The following MYO10 variants were observed in gnomAD, a reference collection of about 807,000 sequenced individuals.
MYO10 encodes the protein unconventional myosin-X.
A neutral mutation model predicts 257.3 loss-of-function variants in MYO10; 133 were observed. That is an observed-to-expected ratio of 0.52 (90% CI 0.45 to 0.60). MYO10 has a LOEUF of 0.60. Ranked by LOEUF, MYO10 falls within the 20% of genes least tolerant of loss-of-function variation. The probability of loss-of-function intolerance (pLI) is 0.00; values close to 1 mark genes in which losing one functional copy is unlikely to be tolerated. For synonymous variants in MYO10, 1,104 were observed against 1,028.6 expected (o/e 1.07, Z -1.40); for missense variants, 2,399 against 2,635.7 (o/e 0.91, Z 1.97).
intron 2 of MYO10, among the ~76,000 whole-genome samples, chr5:16,826,762 G>A (rs983426286): frequency 4.6e-5 from 7 of 152,226 alleles, no homozygotes; most frequent in African/African-American, 1.7e-4. Flanking sequence ...GTTGTTTCTG[G>A]GGATGTCGCT....
chr5:16,747,903 A>G (rs911978708), intron 19 of MYO10, among the ~76,000 whole-genome samples: 1 of 130,588 alleles, frequency 7.7e-6, no homozygotes, highest in Non-Finnish European at 1.6e-5. Flanking sequence ...TGGGCGACAG[A>G]GCGAAACTCC....
intron 9 of MYO10, among the ~76,000 whole-genome samples, chr5:16,772,110 T>C (rs549719714): frequency 2.0e-5 from 3 of 152,052 alleles, no homozygotes; most frequent in Non-Finnish European, 4.4e-5. Flanking sequence ...AAGTCAAATA[T>C]AGTAAGTTAT....
At chr5:16,882,125 G>C (rs933579738) in intron 1 of MYO10, among the ~76,000 whole-genome samples, 4 of 152,076 alleles carry the variant, frequency 2.6e-5, no homozygotes, top group African/African-American at 9.7e-5. Flanking sequence ...GCAATATAAA[G>C]CACTTATGCA....
chr5:16,779,730 T>G, intron 8 of MYO10, 82 bp from the exon 9 acceptor site: 1 of 768,556 alleles, frequency 1.3e-6, no homozygotes. Context: ...TTTTAAAGTA[T>G]ATATATATAA....
At chr5:16,933,126 C>T (rs1347442267) in intron 1 of MYO10, among the ~76,000 whole-genome samples, 2 of 152,200 alleles carry the variant, frequency 1.3e-5, no homozygotes, top group East Asian at 1.9e-4. Context: ...ATTAATACCG[C>T]CAAACAACTG....
At chr5:16,762,143 A>AAATATATAT in intron 15 of MYO10, 30 bp from the exon 16 acceptor site, 1 of 1,091,650 alleles carries the variant, frequency 9.2e-7, no homozygotes. Context: ...AAAAAAAAAA[A>AAATATATAT]ATACAATGCC....
intron 2 of MYO10, among the ~76,000 whole-genome samples, chr5:16,875,539 C>T (rs1288528423): frequency 1.3e-5 from 2 of 152,192 alleles, no homozygotes; most frequent in African/African-American, 4.8e-5. Context: ...ATTAGACATG[C>T]TGTCTCTTTG....
chr5:16,692,709 G>A (rs1010371086), intron 27 of MYO10, among the ~76,000 whole-genome samples: 1 of 152,096 alleles, frequency 6.6e-6, no homozygotes, highest in African/African-American at 2.4e-5. Context: ...TAAGTCCGTG[G>A]TTTATTATAT....
At position 16,898,884 on chromosome 5, in the gene MYO10, G is replaced by A. The variant is rs567818574; in HGVS notation, c.22-21177C>T. On this transcript the variant is annotated intron_variant, in intron 1 of 40. Coordinates refer to ENST00000513610, the MANE Select transcript of MYO10 (RefSeq NM_012334.3). ...TAGGCAAAAGTACATGGTGGCTCACGTCTGTAATCCCAGCACTTTGGGAGG... is the reference window on the plus strand; with the variant it reads ...TAGGCAAAAGTACATGGTGGCTCACATCTGTAATCCCAGCACTTTGGGAGG... Among the ~76,000 whole-genome samples, 120 of 149,540 alleles carry A rather than the reference G, an allele frequency of 8.0e-4. 2 individuals are homozygous for A. Among genetic ancestry groups the A allele is most frequent in the Middle Eastern group, 3.4e-3 (1 of 292 alleles).
chr5:16,681,550 C>T (rs773051334), intron 31 of MYO10, 47 bp from the exon 32 acceptor site: 1 of 1,515,398 alleles, frequency 6.6e-7, no homozygotes, highest in Admixed American at 1.9e-5. Context: ...GAGGAGAAAC[C>T]CCAAAGACCA....
intron 27 of MYO10, among the ~76,000 whole-genome samples, chr5:16,691,910 T>C (rs867270972): frequency 6.6e-6 from 1 of 152,200 alleles, no homozygotes; most frequent in Non-Finnish European, 1.5e-5. Context: ...CATGCCCATA[T>C]AGGGTTGGTG....
intron 3 of MYO10, among the ~76,000 whole-genome samples, chr5:16,813,117 A>G (rs1426122939): frequency 1.3e-5 from 2 of 152,196 alleles, no homozygotes; most frequent in Non-Finnish European, 2.9e-5. Context: ...ACTTGCCAGC[A>G]ACCCATGGAA....
At chr5:16,845,605 C>T (rs569722012) in intron 2 of MYO10, among the ~76,000 whole-genome samples, 1 of 152,224 alleles carries the variant, frequency 6.6e-6, no homozygotes, top group South Asian at 2.1e-4. Flanking sequence ...GCTCTCATGG[C>T]ACCACTGTAC....
At position 16,749,770 on chromosome 5, in the gene MYO10, G is replaced by T. The variant is rs146034419; in HGVS notation, c.1929+5058C>A. Reference sequence around the variant, plus strand: ...CAGACGTGTTCCAAGAGGCAGCCCAGGCTGAATCTGCAGGCAACTGCGGGC... The same window carrying T: ...CAGACGTGTTCCAAGAGGCAGCCCATGCTGAATCTGCAGGCAACTGCGGGC... On this transcript the variant is annotated intron_variant, in intron 19 of 40. Coordinates refer to ENST00000513610, the MANE Select transcript of MYO10 (RefSeq NM_012334.3). Among the ~76,000 whole-genome samples the T allele has an allele frequency of 6.7e-3, 1,023 of 152,352 alleles. 13 individuals are homozygous for T. Among genetic ancestry groups the T allele is most frequent in the African/African-American group, 0.023 (973 of 41,588 alleles).
intron 19 of MYO10, among the ~76,000 whole-genome samples, chr5:16,720,031 T>C (rs1434017259): frequency 6.6e-6 from 1 of 151,784 alleles, no homozygotes; most frequent in Non-Finnish European, 1.5e-5. Context: ...TGTATATGTA[T>C]GTATGTATTA....
At chr5:16,842,948 T>C (rs1351658479) in intron 2 of MYO10, among the ~76,000 whole-genome samples, 1 of 149,664 alleles carries the variant, frequency 6.7e-6, no homozygotes, top group Non-Finnish European at 1.5e-5. Context: ...AAAAGGAACT[T>C]TGAAATACAG....
At chr5:16,902,147 G>A in intron 1 of MYO10, 1 of 577,360 alleles carries the variant, frequency 1.7e-6, no homozygotes, top group South Asian at 2.1e-5. Context: ...TCAGATTCAA[G>A]TGATTCTCCT....
intron 2 of MYO10, among the ~76,000 whole-genome samples, chr5:16,862,574 T>G (rs959022266): frequency 2.0e-5 from 3 of 152,210 alleles, no homozygotes; most frequent in Admixed American, 2.0e-4. Context: ...AAATATAATT[T>G]TATTATACAA....
intron 3 of MYO10, among the ~76,000 whole-genome samples, chr5:16,814,184 C>A (rs1742528066): frequency 6.6e-6 from 1 of 152,186 alleles, no homozygotes; most frequent in South Asian, 2.1e-4. Context: ...GCTCTGTCAC[C>A]CAGGCTGGAG....
Sources: gnomAD v4.1 joint callset for allele counts (sites outside exome capture counted in the v4.1 genomes callset) on GRCh38, gnomAD v4.1.1 for gene constraint, MANE v1.5 for transcripts, NCBI Gene and HGNC (gene_info 2026-07-23, HGNC 2026-07-21) for gene names.